The following ITPR2 variants were observed in gnomAD, a reference collection of about 807,000 sequenced individuals.
The protein encoded by ITPR2 is inositol 1,4,5-trisphosphate receptor type 2.
In ITPR2, 207 loss-of-function variants were observed where a neutral mutation model predicts 317.1. That is an observed-to-expected ratio of 0.65 (90% CI 0.58 to 0.73). The LOEUF (loss-of-function observed/expected upper bound fraction) is 0.73. Among genes scored for constraint, ITPR2 ranks in the 30% least tolerant of loss-of-function variants. ITPR2 has a pLI of 0.00. For synonymous variants in ITPR2, 1,156 were observed against 1,149.1 expected, an observed-to-expected ratio of 1.01 and a Z score of -0.12; for missense variants, 2,613 against 3,284.0, an observed-to-expected ratio of 0.80 and a Z score of 4.99.
intron 37 of ITPR2, among the ~76,000 whole-genome samples, chr12:26,535,732 G>A (rs912543463): frequency 6.6e-6 from 1 of 152,132 alleles, no homozygotes; most frequent in Non-Finnish European, 1.5e-5. Context: ...AAAATCACAA[G>A]CTTTCAAATT....
In ITPR2 at chr12:26,336,166, A is replaced by G. The variant is rs1937907868; in HGVS notation, c.*3231T>C. ...TTTACCCCTCCTTTTCTCTAATGAT[A>G]GAGTACTGGGAAGCAGAAATCCCTA... is the stretch of plus-strand genomic sequence containing the variant. On this transcript the variant is annotated 3_prime_UTR_variant, in exon 57 of 57. Transcript: ENST00000381340. Among the ~76,000 whole-genome samples the G allele has an allele frequency of 6.6e-6, 1 of 152,104 alleles. No individual in the cohort carries two copies. Among genetic ancestry groups the G allele is most frequent in the Admixed American group, 6.6e-5 (1 of 15,256 alleles).
chr12:26,654,061 T>G lies in ITPR2; in HGVS notation c.2655A>C (p.Leu885=). 6.3e-7 allele frequency: 1 copy of G among 1,588,700 alleles called. No individual in the cohort carries two copies. The change falls in exon 21 of 57, where the codon CTA becomes CTC. Residue 885 remains leucine (L), a synonymous_variant. Transcript: ENST00000381340. ...CTAAAATAGCCAGAAGTGTTCTTGT[T>G]AGCCTTAATAACTCACTGAAACTAT... ...GFYSFSELLR[L]TRTLLAILDI...
chr12:26,672,558 G>C (rs1490653892), intron 13 of ITPR2, among the ~76,000 whole-genome samples: 3 of 150,212 alleles, frequency 2.0e-5, no homozygotes, highest in South Asian at 2.2e-4. Flanking sequence ...GCAGTGTGTA[G>C]AGGGAAATTT....
intron 2 of ITPR2, among the ~76,000 whole-genome samples, chr12:26,776,931 T>TA (rs1276820395): frequency 6.6e-6 from 1 of 152,116 alleles, no homozygotes; most frequent in African/African-American, 2.4e-5. Context: ...TGCACTACAC[T>TA]AAAAAAGAAT....
chr12:26,395,298 G>T (rs1000584524), intron 54 of ITPR2, among the ~76,000 whole-genome samples: 1 of 152,086 alleles, frequency 6.6e-6, no homozygotes, highest in African/African-American at 2.4e-5. Flanking sequence ...TTAACAGTGA[G>T]ATTCAAGAAC....
At position 26,715,707 on chromosome 12, in the gene ITPR2, T is replaced by C. The variant is rs755675042; in HGVS notation, c.708+45A>G. 13 of 1,241,628 alleles carry C rather than the reference T, an allele frequency of 1.0e-5. No individual in the cohort carries two copies. In the South Asian group the frequency reaches 1.5e-4, roughly 15 times the overall value. The allele number at this position is 1,241,628 out of a possible 1,614,324, so 76.9% of individuals were successfully genotyped here. On this transcript the variant is annotated intron_variant, in intron 7 of 56. Coordinates refer to ENST00000381340, the MANE Select transcript of ITPR2 (RefSeq NM_002223.4). ...TTTGCATCTAGAATTTCAGTAAGAC[T>C]ACCATCATTTCTCCCAGCAAATGTC...
At chr12:26,768,585 A>AC (rs762084195) in intron 2 of ITPR2, among the ~76,000 whole-genome samples, 22,816 of 144,130 alleles carry the variant, frequency 0.16, 2,701 homozygotes, top group Non-Finnish European at 0.24. Context: ...AAAAAAAAAA[A>AC]AAAAAAAAAA....
intron 55 of ITPR2, among the ~76,000 whole-genome samples, chr12:26,384,960 C>T (rs1002335569): frequency 6.6e-6 from 1 of 152,158 alleles, no homozygotes; most frequent in African/African-American, 2.4e-5. Flanking sequence ...AATCTGACAG[C>T]TTCTATGGTC....
At chr12:26,782,070 A>AGAGCGAGC (rs1555190867) in intron 2 of ITPR2, among the ~76,000 whole-genome samples, 6 of 122,612 alleles carry the variant, frequency 4.9e-5, no homozygotes, top group African/African-American at 1.6e-4. Flanking sequence ...AGAGAGAGAG[A>AGAGCGAGC]GAGCGAGAGA....
chr12:26,695,856 A>G (rs1948336045), intron 9 of ITPR2, among the ~76,000 whole-genome samples: 1 of 152,218 alleles, frequency 6.6e-6, no homozygotes, highest in South Asian at 2.1e-4. Flanking sequence ...TGCCAAGTTC[A>G]TTGCCTTGGT....
chr12:26,465,318 T>C (rs1377762892), intron 45 of ITPR2, among the ~76,000 whole-genome samples: 1 of 152,162 alleles, frequency 6.6e-6, no homozygotes, highest in Non-Finnish European at 1.5e-5. Flanking sequence ...GGGCAACCTT[T>C]AGATTGGTCA....
At chr12:26,498,437 T>G (rs1480931903) in intron 37 of ITPR2, among the ~76,000 whole-genome samples, 2 of 152,164 alleles carry the variant, frequency 1.3e-5, no homozygotes, top group Non-Finnish European at 2.9e-5. Flanking sequence ...AAACAAAGCT[T>G]TTCTTTGGAG....
intron 36 of ITPR2, among the ~76,000 whole-genome samples, chr12:26,553,757 C>T (rs949265762): frequency 3.3e-5 from 5 of 151,228 alleles, no homozygotes; most frequent in Non-Finnish European, 7.4e-5. Flanking sequence ...TGCACTCCAG[C>T]CTGGGTGACA....
chr12:26,572,826 G>T (rs529481631), intron 34 of ITPR2, among the ~76,000 whole-genome samples: 122 of 152,136 alleles, frequency 8.0e-4, no homozygotes, highest in African/African-American at 2.9e-3. Flanking sequence ...GGTAATAGTG[G>T]CAAATAAAAG....
intron 55 of ITPR2, among the ~76,000 whole-genome samples, chr12:26,343,238 A>T (rs1938195379): frequency 6.6e-6 from 1 of 152,108 alleles, no homozygotes; most frequent in South Asian, 2.1e-4. Flanking sequence ...TGGGATCCCA[A>T]CTCAGATCTG....
At chr12:26,431,710 G>C (rs1941213777) in intron 48 of ITPR2, among the ~76,000 whole-genome samples, 1 of 152,130 alleles carries the variant, frequency 6.6e-6, no homozygotes, top group Non-Finnish European at 1.5e-5. Flanking sequence ...CCCACTACCT[G>C]GTTGAAGAGG....
At position 26,831,719 on chromosome 12, in the gene ITPR2, TTCTACATAAAATATATAAATATATA is replaced by T. The variant is rs1951106556; in HGVS notation, c.92+946_92+970del. On this transcript the variant is annotated intron_variant, in intron 1 of 56. Transcript: ENST00000381340. This position sits in a 1 kb window ranked among gnomAD's most constrained non-coding sequence, Gnocchi z 4.9. ...TCTACATAAAATATATAAATATATA[TTCTACATAAAATATATAAATATATA>T]TTCTACATAAAATATATAAATATAT... Among the ~76,000 whole-genome samples, 2 of 123,156 alleles carry T rather than the reference TTCTACATAAAATATATAAATATATA, an allele frequency of 1.6e-5. No homozygotes were observed. Among genetic ancestry groups the T allele is most frequent in the Non-Finnish European group, 3.7e-5 (2 of 54,202 alleles). 80.8% of individuals were successfully genotyped at this position (123,156 alleles called of 152,430 possible). A position where few individuals can be genotyped will look rare whatever the true frequency, so the allele number is the denominator to read the frequency against.
At chr12:26,547,694 T>C (rs776104689) in intron 37 of ITPR2, among the ~76,000 whole-genome samples, 27 of 152,244 alleles carry the variant, frequency 1.8e-4, no homozygotes, top group Non-Finnish European at 3.4e-4. Context: ...ATGTGATGAA[T>C]ATATGTGCAA....
At position 26,516,280 on chromosome 12, in the gene ITPR2, GGGAAGGGAAAGGAAAGGAAA is replaced by G. The variant is rs1565574587; in HGVS notation, c.5074-21040_5074-21021del. 5.2e-3 allele frequency among the ~76,000 whole-genome samples: 233 copies of G among 45,168 alleles called. 16 individuals are homozygous for G. Among genetic ancestry groups the G allele is most frequent in the East Asian group, 7.8e-3 (5 of 640 alleles). The allele number at this position is 45,168 out of a possible 152,430, so 29.6% of individuals were successfully genotyped here. On this transcript the variant is annotated intron_variant, in intron 37 of 56. Coordinates refer to ENST00000381340, the MANE Select transcript of ITPR2 (RefSeq NM_002223.4). ...AGGAAAGGAAAGGAAAGGAAGGGAA[GGGAAGGGAAAGGAAAGGAAA>G]GGAAAGGAAAGGAAAGGAAAGGAAA...
Sources: allele counts gnomAD v4.1 joint callset (sites outside exome capture counted in the v4.1 genomes callset), GRCh38; gene constraint gnomAD v4.1.1; non-coding constraint Gnocchi (gnomAD v3.1); transcripts MANE v1.5; gene names NCBI Gene and HGNC (gene_info 2026-07-23, HGNC 2026-07-21).